PDXDC1: variants seen among roughly 807,000 people sequenced by gnomAD.
PDXDC1 encodes pyridoxal dependent decarboxylase domain containing 1.
A neutral mutation model predicts 100.1 loss-of-function variants in PDXDC1; 42 were observed. The observed-to-expected ratio is 0.42, with a 90% confidence interval of 0.33 to 0.54. The LOEUF is 0.54. Ranked by LOEUF, PDXDC1 falls within the 20% of genes least tolerant of loss-of-function variation. PDXDC1 has a pLI of 0.10. For synonymous variants in PDXDC1, 260 were observed against 371.7 expected (o/e 0.70, Z 3.46); for missense variants, 636 against 979.2 (o/e 0.65, Z 4.68).
chr16:15,117,446 C>T (rs2047273107), intron 16 of PDXDC1, among the ~76,000 whole-genome samples: 1 of 148,812 alleles, frequency 6.7e-6, no homozygotes, highest in Non-Finnish European at 1.5e-5. Flanking sequence ...ATCACGAGGT[C>T]AAGAGATGGA....
chr16:15,020,168 G>A (rs1018947185), intron 12 of PDXDC1, among the ~76,000 whole-genome samples: 3 of 151,284 alleles, frequency 2.0e-5, no homozygotes, highest in Non-Finnish European at 1.5e-5. Context: ...GTTTACTCAG[G>A]GTTAGAGCTG....
intron 1 of PDXDC1, among the ~76,000 whole-genome samples, chr16:14,990,721 G>C (rs1970586237): frequency 6.6e-6 from 1 of 152,286 alleles, no homozygotes; most frequent in African/African-American, 2.4e-5. Flanking sequence ...CTTACTCCCT[G>C]AAGAGCAAGA....
At position 15,015,024 on chromosome 16, in the gene PDXDC1, G is replaced by T. The variant is rs535742661; in HGVS notation, c.728-1105G>T. On this transcript the variant is annotated intron_variant, in intron 8 of 22. Transcript: ENST00000396410. Reference sequence around the variant, plus strand: ...ACGATCTCGGCTCACTACAAGCTCTGCCTCCCAGGTTCACGCCATTCTCCC... The same window carrying T: ...ACGATCTCGGCTCACTACAAGCTCTTCCTCCCAGGTTCACGCCATTCTCCC... Among the ~76,000 whole-genome samples the T allele has an allele frequency of 5.2e-5, 8 of 152,400 alleles. No homozygotes were observed. In the East Asian group the frequency reaches 1.5e-3, roughly 29 times the overall value.
intron 16 of PDXDC1, chr16:15,055,830 T>C: frequency 1.1e-6 from 1 of 924,612 alleles, no homozygotes; most frequent in Non-Finnish European, 1.4e-6. Flanking sequence ...AGGGGGGCGC[T>C]AGCCCGCCCT....
At chr16:15,031,707 A>G in intron 16 of PDXDC1, 28 bp from the exon 17 acceptor site, 1 of 1,592,530 alleles carries the variant, frequency 6.3e-7, no homozygotes, top group South Asian at 1.1e-5. Flanking sequence ...TCTCGTGAGC[A>G]TTTCTCTGAC....
At chr16:15,047,330 G>A in intron 16 of PDXDC1, 3 of 740,592 alleles carry the variant, frequency 4.1e-6, no homozygotes, top group South Asian at 3.2e-5. Context: ...GGGGAACGAG[G>A]CAGACACGGC....
intron 16 of PDXDC1, chr16:15,128,004 C>T (rs746470534): frequency 1.9e-6 from 3 of 1,595,578 alleles, no homozygotes; most frequent in African/African-American, 2.7e-5. Context: ...GCGGCCAGCA[C>T]CTCCTTCTCC....
At chr16:14,983,424 C>T (rs1214861845) in intron 1 of PDXDC1, among the ~76,000 whole-genome samples, 1 of 151,368 alleles carries the variant, frequency 6.6e-6, no homozygotes, top group Non-Finnish European at 1.5e-5. Flanking sequence ...TACAAAAAAA[C>T]TAGCCGGGTG....
At chr16:15,076,096 T>C (rs746793680) in intron 16 of PDXDC1, among the ~76,000 whole-genome samples, 2 of 152,038 alleles carry the variant, frequency 1.3e-5, no homozygotes, top group African/African-American at 4.8e-5. Context: ...CCGGCCCCCG[T>C]TTAGCTCCCC....
chr16:15,019,654 G>T (rs2042032071), intron 12 of PDXDC1, among the ~76,000 whole-genome samples: 1 of 152,278 alleles, frequency 6.6e-6, no homozygotes, highest in Non-Finnish European at 1.5e-5. Context: ...TGGCAGAAGG[G>T]GTGAGCACAG....
At chr16:14,986,767 G>C (rs1407867800) in intron 1 of PDXDC1, among the ~76,000 whole-genome samples, 1 of 152,292 alleles carries the variant, frequency 6.6e-6, no homozygotes, top group East Asian at 1.9e-4. Flanking sequence ...TTTTGTTTGA[G>C]ACAGAGTCTT....
In PDXDC1 at chr16:15,037,582, C is replaced by CAT. The variant is rs2043548693; in HGVS notation, c.*1308_*1309dup. 6.5e-6 allele frequency: 1 copy of CAT among 153,466 alleles called. No individual in the cohort carries two copies. Among genetic ancestry groups the CAT allele is most frequent in the African/African-American group, 2.4e-5 (1 of 41,374 alleles). The allele number at this position is 153,466 out of a possible 1,614,324, so 9.5% of individuals were successfully genotyped here. On this transcript the variant is annotated 3_prime_UTR_variant, in exon 23 of 23. Coordinates refer to ENST00000396410, the MANE Select transcript of PDXDC1 (RefSeq NM_015027.4). ...TAAATTATCACCTTCAAGAAAATTA[C>CAT]ATGTTTTTATATATATTTGGAATTG...
chr16:15,074,603 C>A, intron 16 of PDXDC1: 2 of 694,402 alleles, frequency 2.9e-6, no homozygotes, highest in East Asian at 3.0e-5. Flanking sequence ...ATCTTAAACT[C>A]ATACTCAATA....
chr16:15,039,261 G>GT (rs1219558170), downstream of PDXDC1, among the ~76,000 whole-genome samples: 1 of 152,168 alleles, frequency 6.6e-6, no homozygotes, highest in East Asian at 1.9e-4. Context: ...AACTAGGCCT[G>GT]TTACACTCCT....
At chr16:15,091,921 G>A (rs1206114179) in intron 16 of PDXDC1, among the ~76,000 whole-genome samples, 2 of 152,184 alleles carry the variant, frequency 1.3e-5, no homozygotes, top group South Asian at 2.1e-4. Context: ...GCTCACGTCT[G>A]TAATCCCAGC....
Position 15,034,459 on chromosome 16 carries a change from G to C in PDXDC1, c.1908G>C (p.Gly636=), listed in dbSNP as rs750217403. The change falls in exon 21 of 23, where the codon GGG becomes GGC. Residue 636 remains glycine (G), a splice_region_variant and synonymous_variant. Transcript: ENST00000396410. The part of the protein sequence containing the change: ...KASEERLLEE[G]VLRQIPVVGS... ...TGAACTCTGGTCCTGTCTTGCAGGG[G>C]GTGTTGCGGCAGATCCCTGTAGTGG... 2.1e-5 allele frequency: 34 copies of C among 1,613,998 alleles called. No individual in the cohort carries two copies. In the Admixed American group the frequency reaches 5.3e-4, roughly 25 times the overall value.
intron 16 of PDXDC1, among the ~76,000 whole-genome samples, chr16:15,046,852 G>A (rs2044090514): frequency 6.6e-6 from 1 of 151,964 alleles, no homozygotes; most frequent in Admixed American, 6.6e-5. Context: ...TCCAGACAGG[G>A]CGACACAGCA....
intron 1 of PDXDC1, chr16:14,976,826 TC>T (rs1296193765): frequency 6.6e-6 from 1 of 152,528 alleles, no homozygotes; most frequent in Admixed American, 6.5e-5. Flanking sequence ...GGCTGAGAAA[TC>T]CTGGTCAAGA....
chr16:15,141,234 G>A (rs372604716), downstream of PDXDC1, among the ~76,000 whole-genome samples: 2 of 152,232 alleles, frequency 1.3e-5, no homozygotes, highest in Admixed American at 6.5e-5. Flanking sequence ...CAGGAGAGAC[G>A]CACACACAGG....
Sources: allele counts gnomAD v4.1 joint callset (sites outside exome capture counted in the v4.1 genomes callset), GRCh38; gene constraint gnomAD v4.1.1; transcripts MANE v1.5; gene names NCBI Gene and HGNC (gene_info 2026-07-23, HGNC 2026-07-21).